The following SYT7 variants were observed in gnomAD, a reference collection of about 807,000 sequenced individuals.
The protein encoded by SYT7 is synaptotagmin 7, also known as synaptotagmin-7.
Under a neutral mutation model 75.1 loss-of-function variants are expected in SYT7, and 29 were observed. That is an observed-to-expected ratio of 0.39 (90% CI 0.29 to 0.53). The LOEUF (loss-of-function observed/expected upper bound fraction) is 0.53. Among genes scored for constraint, SYT7 ranks in the 20% least tolerant of loss-of-function variants. The pLI is 0.77. For synonymous variants in SYT7, 376 were observed against 401.7 expected (o/e 0.94, Z 0.76); for missense variants, 693 against 953.2 (o/e 0.73, Z 3.59).
In SYT7 at chr11:61,555,702, G is replaced by A. The variant is rs376631400; in HGVS notation, c.135+402C>T. Among the ~76,000 whole-genome samples the A allele has an allele frequency of 3.2e-4, 49 of 152,314 alleles. No homozygotes were observed. The South Asian group carries it at 1.0e-2, about 31-fold the overall frequency. ...GAGCGGGCAGAGGGGAGGGGGCGCG[G>A]TGCTTAGAGTGGGGGCTCTATTCTC... is the stretch of plus-strand genomic sequence containing the variant. On this transcript the variant is annotated intron_variant, in intron 2 of 12. Coordinates refer to ENST00000539008, the MANE Select transcript of SYT7 (RefSeq NM_001365809.2).
At chr11:61,575,618 G>A (rs1319073626) in intron 1 of SYT7, among the ~76,000 whole-genome samples, 1 of 152,220 alleles carries the variant, frequency 6.6e-6, no homozygotes, top group Non-Finnish European at 1.5e-5. Context: ...TCATGGCCAT[G>A]CCAGCAGGTG....
chr11:61,533,296 A>G (rs901868778), intron 7 of SYT7, 172 bp from the exon 8 acceptor site: 1 of 985,298 alleles, frequency 1.0e-6, no homozygotes, highest in African/African-American at 1.7e-5. Flanking sequence ...CTGGAGACCC[A>G]TGCCCGGGGC....
chr11:61,562,216 T>A (rs2063657203), intron 1 of SYT7, among the ~76,000 whole-genome samples: 1 of 152,206 alleles, frequency 6.6e-6, no homozygotes, highest in South Asian at 2.1e-4. Context: ...TGGGAATTAA[T>A]TTCTCCTGCC....
chr11:61,559,632 A>C (rs1454666216), intron 1 of SYT7, among the ~76,000 whole-genome samples: 2 of 148,938 alleles, frequency 1.3e-5, no homozygotes, highest in Non-Finnish European at 1.5e-5. Context: ...CCCTCTCCAC[A>C]CTCCCCCCTC....
chr11:61,573,875 A>G (rs970767716), intron 1 of SYT7, among the ~76,000 whole-genome samples: 1 of 152,210 alleles, frequency 6.6e-6, no homozygotes, highest in Non-Finnish European at 1.5e-5. Context: ...TCACACCCTT[A>G]GGTCTGGCAG....
upstream of SYT7, among the ~76,000 whole-genome samples, chr11:61,584,425 T>A (rs2064344452): frequency 6.6e-6 from 1 of 152,084 alleles, no homozygotes; most frequent in South Asian, 2.1e-4. Context: ...AAAAGATACT[T>A]GGAACATATA....
chr11:61,527,783 G>T, intron 9 of SYT7, 132 bp downstream of exon 9: 1 of 1,078,230 alleles, frequency 9.3e-7, no homozygotes, highest in Non-Finnish European at 1.4e-6. Context: ...TTGCATGTGT[G>T]TTTGTGCATT....
intron 1 of SYT7, among the ~76,000 whole-genome samples, chr11:61,570,446 C>A (rs1300310277): frequency 6.6e-6 from 1 of 152,158 alleles, no homozygotes; most frequent in Non-Finnish European, 1.5e-5. Context: ...GTGTGCCAGC[C>A]ACTTAAGACA....
intron 7 of SYT7, 78 bp from the exon 8 acceptor site, chr11:61,533,202 A>G: frequency 6.7e-7 from 1 of 1,491,884 alleles, no homozygotes; most frequent in South Asian, 1.3e-5. Flanking sequence ...GGGTGGCAGG[A>G]CCTTCTCTGA....
At chr11:61,541,007 T>C (rs1402169752) in intron 6 of SYT7, 1 of 985,432 alleles carries the variant, frequency 1.0e-6, no homozygotes, top group Admixed American at 6.1e-5. Context: ...GCAGCATGTC[T>C]TGCTGGCCAT....
chr11:61,545,307 T>A (rs2063150821), intron 5 of SYT7, among the ~76,000 whole-genome samples: 1 of 152,136 alleles, frequency 6.6e-6, no homozygotes, highest in African/African-American at 2.4e-5. Flanking sequence ...GAACACCCCA[T>A]GACATCTGGC....
upstream of SYT7, among the ~76,000 whole-genome samples, chr11:61,583,910 G>C (rs994142804): frequency 3.3e-5 from 5 of 152,170 alleles, no homozygotes; most frequent in Non-Finnish European, 7.3e-5. Flanking sequence ...CTTTGTTTAG[G>C]GGACGCAGAG....
upstream of SYT7, among the ~76,000 whole-genome samples, chr11:61,582,927 C>G (rs2064312988): frequency 6.6e-6 from 1 of 152,166 alleles, no homozygotes; most frequent in Non-Finnish European, 1.5e-5. Context: ...TCTCATTACC[C>G]TAGTAAAGAG....
At chr11:61,583,461 C>T (rs897201610), upstream of SYT7, among the ~76,000 whole-genome samples, 1 of 152,192 alleles carries the variant, frequency 6.6e-6, no homozygotes, top group African/African-American at 2.4e-5. Context: ...CTGCCCCTTG[C>T]AAGTGTCAGG....
chr11:61,542,456 GC>G lies in SYT7; in HGVS notation c.695del (p.Ser232ThrfsTer79). On this transcript the variant is annotated frameshift_variant, in exon 6 of 13. Coordinates refer to ENST00000539008, the MANE Select transcript of SYT7 (RefSeq NM_001365809.2). LOFTEE classifies it high-confidence loss of function. This position sits in a 1 kb window ranked among gnomAD's most constrained non-coding sequence, Gnocchi z 7.8. ...TGGGCTGCCGGCCCCGCTGGTGCTGGCTCAGCGGCTGTTGCAGGCTCTGCTG... is the reference window on the plus strand; with the variant it reads ...TGGGCTGCCGGCCCCGCTGGTGCTGGTCAGCGGCTGTTGCAGGCTCTGCTG... ...MRQQSLQQPL[S>X]QHQRGRQPSQ... is the part of the protein sequence containing the mutation. 1 of 1,532,962 alleles carries G rather than the reference GC, an allele frequency of 6.5e-7. No individual in the cohort carries two copies. Among genetic ancestry groups the G allele is most frequent in the Non-Finnish European group, 8.7e-7 (1 of 1,146,106 alleles). The allele number at this position is 1,532,962 out of a possible 1,614,324, so 95.0% of individuals were successfully genotyped here.
At chr11:61,527,851 T>C in intron 9 of SYT7, 64 bp downstream of exon 9, 5 of 1,576,778 alleles carry the variant, frequency 3.2e-6, no homozygotes, top group Non-Finnish European at 3.5e-6. Context: ...ACAAGTGTGG[T>C]TGGGTAGGGG....
At position 61,515,032 on chromosome 11, in the gene SYT7, G is replaced by A. The variant is rs3741260; in HGVS notation, c.*3595C>T. 0.17 allele frequency among the ~76,000 whole-genome samples: 25,909 copies of A among 152,204 alleles called. 2,741 individuals carry two copies. Among genetic ancestry groups the A allele is most frequent in the East Asian group, 0.4 (2,060 of 5,168 alleles). On this transcript the variant is annotated 3_prime_UTR_variant, in exon 13 of 13. Coordinates refer to ENST00000539008, the MANE Select transcript of SYT7 (RefSeq NM_001365809.2). ...GGGTGACCCTGGAGGGCACCCCTGA[G>A]GCCTAGAGAGGACTCTACTCCCAAA...
upstream of SYT7, among the ~76,000 whole-genome samples, chr11:61,582,718 C>T (rs1329285497): frequency 6.6e-6 from 1 of 152,188 alleles, no homozygotes; most frequent in African/African-American, 2.4e-5. Context: ...AAATCTCAGC[C>T]CTCACCCTCT....
rs2064232816 is a variant in SYT7 at position 61,580,625 on chromosome 11, G to T, written c.31+165C>A. On this transcript the variant is annotated intron_variant, in intron 1 of 12. Coordinates refer to ENST00000539008, the MANE Select transcript of SYT7 (RefSeq NM_001365809.2). The surrounding 1 kb of genome is among the most constrained non-coding windows in gnomAD (Gnocchi z 6.1). ...ACTGCGGGGGACCGGGGTCCGAGCCGCTGCCGCTCGATCCCGCGCCCCCGG... is the reference window on the plus strand; with the variant it reads ...ACTGCGGGGGACCGGGGTCCGAGCCTCTGCCGCTCGATCCCGCGCCCCCGG... 1.3e-5 allele frequency among the ~76,000 whole-genome samples: 2 copies of T among 152,054 alleles called. No individual in the cohort carries two copies. The highest frequency in any genetic ancestry group is 1.5e-5 in the Non-Finnish European group (1 of 67,950).
Sources: gnomAD v4.1 joint callset for allele counts (sites outside exome capture counted in the v4.1 genomes callset) on GRCh38, gnomAD v4.1.1 for gene constraint, Gnocchi (gnomAD v3.1) non-coding constraint, MANE v1.5 for transcripts, NCBI Gene and HGNC (gene_info 2026-07-23, HGNC 2026-07-21) for gene names.